UGT1A5: variants seen among roughly 807,000 people sequenced by gnomAD.
UGT1A5 encodes the protein UDP glucuronosyltransferase family 1 member A5.
In UGT1A5, 29 loss-of-function variants were observed where a neutral mutation model predicts 40.3. That is an observed-to-expected ratio of 0.72 (90% confidence interval 0.54 to 0.98). UGT1A5 has a LOEUF of 0.98. Ranked by LOEUF, UGT1A5 falls within the 50% of genes least tolerant of loss-of-function variation. The pLI, the probability that UGT1A5 is intolerant of heterozygous loss-of-function variation, is 0.00. For synonymous variants in UGT1A5, 257 were observed against 262.5 expected, an observed-to-expected ratio of 0.98 and a Z score of 0.20; for missense variants, 678 against 677.9, an observed-to-expected ratio of 1.00 and a Z score of 0.00.
rs34036745 is a variant in UGT1A5, at chr2:233,769,465, G to T, written c.1307+1026G>T. On this transcript the variant is annotated intron_variant, in intron 4 of 4. Transcript: ENST00000373414. The surrounding 1 kb of genome is among the most constrained non-coding windows in gnomAD (Gnocchi z 4.4). Reference sequence around the variant, plus strand: ...GGTGCACACGTGTGCATTCATATGCGTGTGTGTGTGTGTGCGTGTGTTTAT... The same window carrying T: ...GGTGCACACGTGTGCATTCATATGCTTGTGTGTGTGTGTGCGTGTGTTTAT... 1.5e-6 allele frequency: 2 copies of T among 1,316,538 alleles called. No homozygotes were observed. Among genetic ancestry groups the T allele is most frequent in the Non-Finnish European group, 2.1e-6 (2 of 963,564 alleles). 81.6% of individuals were successfully genotyped at this position (1,316,538 alleles called of 1,614,324 possible).
At chr2:233,738,082 A>T (rs1218405907) in intron 1 of UGT1A5, among the ~76,000 whole-genome samples, 1 of 152,110 alleles carries the variant, frequency 6.6e-6, no homozygotes, top group South Asian at 2.1e-4. Context: ...TCCTAATCTC[A>T]TCATAGTGAG....
chr2:233,771,891 A>G (rs1700404574), intron 4 of UGT1A5, among the ~76,000 whole-genome samples: 1 of 145,462 alleles, frequency 6.9e-6, no homozygotes, highest in Admixed American at 7.2e-5. Context: ...TTTCTTAATT[A>G]TAACCTTTCA....
At chr2:233,722,255 G>A (rs549830880) in intron 1 of UGT1A5, among the ~76,000 whole-genome samples, 90 of 152,216 alleles carry the variant, frequency 5.9e-4, no homozygotes, top group African/African-American at 2.1e-3. Flanking sequence ...TGACAGACAC[G>A]CCATTATCAT....
intron 1 of UGT1A5, among the ~76,000 whole-genome samples, chr2:233,745,360 T>C (rs1413277244): frequency 2.0e-5 from 3 of 151,920 alleles, no homozygotes; most frequent in African/African-American, 4.9e-5. Flanking sequence ...GGAATTTTTT[T>C]GAGATCTGAG....
At chr2:233,720,101 A>G (rs12468356) in intron 1 of UGT1A5, among the ~76,000 whole-genome samples, 12,183 of 152,260 alleles carry the variant, frequency 0.08, 621 homozygotes, top group East Asian at 0.2. Flanking sequence ...TAGTGGTCCC[A>G]TCTTGCGAAA....
At chr2:233,740,735 C>T (rs1403537292) in intron 1 of UGT1A5, 2 of 151,614 alleles carry the variant, frequency 1.3e-5, no homozygotes, top group Non-Finnish European at 2.9e-5. Flanking sequence ...AGGAAATGCC[C>T]CCTTTTACAC....
At chr2:233,729,358 A>G in intron 1 of UGT1A5, 1 of 1,614,176 alleles carries the variant, frequency 6.2e-7, no homozygotes, top group Admixed American at 1.7e-5. Flanking sequence ...TTTCACCCTG[A>G]CAACCTATGC....
rs138794928 is a variant in UGT1A5, at chr2:233,747,227, C to T, written c.868-19807C>T. 1.0e-2 allele frequency: 16,041 copies of T among 1,605,006 alleles called. 99 individuals are homozygous for T. The highest frequency in any genetic ancestry group is 0.012 in the Non-Finnish European group (14,233 of 1,175,294). On this transcript the variant is annotated intron_variant, in intron 1 of 4. Transcript: ENST00000373414. ...TCTTCTGCTGAGATGGCCACAGGACCCCAGGTTCCCCTGCTGTGGCTGGCC... is the reference window on the plus strand; with the variant it reads ...TCTTCTGCTGAGATGGCCACAGGACTCCAGGTTCCCCTGCTGTGGCTGGCC...
At chr2:233,746,036 T>C (rs1289078597) in intron 1 of UGT1A5, among the ~76,000 whole-genome samples, 1 of 151,694 alleles carries the variant, frequency 6.6e-6, no homozygotes, top group South Asian at 2.1e-4. Context: ...ACTTACTTGC[T>C]GGCTTGGATG....
chr2:233,767,204 A>G, intron 2 of UGT1A5, 39 bp downstream of exon 2: 1 of 1,613,356 alleles, frequency 6.2e-7, no homozygotes, highest in Non-Finnish European at 8.5e-7. Flanking sequence ...ATCTATTTTC[A>G]CAGGAGCGCT....
At chr2:233,719,012 G>T (rs763830494) in intron 1 of UGT1A5, 1 of 1,614,092 alleles carries the variant, frequency 6.2e-7, no homozygotes, top group African/African-American at 1.3e-5. Flanking sequence ...TCACCCCAGA[G>T]GTGAATATGC....
chr2:233,759,589 C>T (rs1019080455), intron 1 of UGT1A5, among the ~76,000 whole-genome samples: 2 of 147,434 alleles, frequency 1.4e-5, no homozygotes, highest in Non-Finnish European at 3.0e-5. Flanking sequence ...CAGCACGCCC[C>T]CCACCCCCGA....
intron 1 of UGT1A5, chr2:233,750,478 T>A (rs1694468358): frequency 1.3e-5 from 2 of 151,902 alleles, no homozygotes. Context: ...GCTATAGAAA[T>A]TTGCATAAGT....
intron 1 of UGT1A5, among the ~76,000 whole-genome samples, chr2:233,725,570 A>G (rs1169063809): frequency 1.3e-5 from 2 of 152,178 alleles, no homozygotes; most frequent in Admixed American, 1.3e-4. Flanking sequence ...TATATTCGAT[A>G]TAAGATTATG....
intron 1 of UGT1A5, chr2:233,743,958 G>C (rs747210262): frequency 1.5e-6 from 2 of 1,336,694 alleles, no homozygotes; most frequent in Non-Finnish European, 2.0e-6. Flanking sequence ...GGCACAGCGA[G>C]CGGCAAGGCT....
chr2:233,769,620 A>G lies in UGT1A5; in HGVS notation c.1307+1181A>G. The G allele has an allele frequency of 6.2e-7, 1 of 1,612,636 alleles. No homozygotes were observed. Among genetic ancestry groups the G allele is most frequent in the Non-Finnish European group, 8.5e-7 (1 of 1,179,796 alleles). ...AACACGGGGACACACCAGCTTGAGCAAGGGACAACAGGGGAGGACTGATGA... is the reference window on the plus strand; with the variant it reads ...AACACGGGGACACACCAGCTTGAGCGAGGGACAACAGGGGAGGACTGATGA... On this transcript the variant is annotated intron_variant, in intron 4 of 4. Transcript: ENST00000373414. This position sits in a 1 kb window ranked among gnomAD's most constrained non-coding sequence, Gnocchi z 4.4.
chr2:233,743,932 C>T (rs927230635), intron 1 of UGT1A5: 9 of 1,358,952 alleles, frequency 6.6e-6, no homozygotes, highest in African/African-American at 5.9e-5. Flanking sequence ...ATGGCCAGAA[C>T]GGCCCACCAG....
At chr2:233,755,085 C>T (rs753098995) in intron 1 of UGT1A5, 1 of 1,335,532 alleles carries the variant, frequency 7.5e-7, no homozygotes, top group Non-Finnish European at 1.0e-6. Flanking sequence ...ATAGATATCG[C>T]GTTTCTACGC....
rs764319623 is a variant in UGT1A5 at position 233,713,283 on chromosome 2, C to G, written c.292C>G (p.Gln98Glu). 3.7e-6 allele frequency: 6 copies of G among 1,614,104 alleles called. No individual in the cohort carries two copies. Among genetic ancestry groups the G allele is most frequent in the Non-Finnish European group, 5.1e-6 (6 of 1,180,050 alleles). Reference protein sequence around the residue: ...EFDRLLLGHTQSFFETEHLLM... With the variant: ...EFDRLLLGHTESFFETEHLLM... Reference sequence around the variant, plus strand: ...TGATCGCCTTTTGCTGGGTCACACTCAATCGTTCTTTGAAACAGAACATCT... The same window carrying G: ...TGATCGCCTTTTGCTGGGTCACACTGAATCGTTCTTTGAAACAGAACATCT... Residue 98 changes from glutamine (Q) to glutamate (E), a missense_variant, in exon 1 of 5, where the codon CAA (glutamine) becomes GAA (glutamate). Coordinates refer to ENST00000373414, the MANE Select transcript of UGT1A5 (RefSeq NM_019078.2).
Sources: allele counts gnomAD v4.1 joint callset (sites outside exome capture counted in the v4.1 genomes callset), GRCh38; gene constraint gnomAD v4.1.1; non-coding constraint Gnocchi (gnomAD v3.1); transcripts MANE v1.5; gene names NCBI Gene and HGNC (gene_info 2026-07-23, HGNC 2026-07-21).